GNB1: variants seen among roughly 807,000 people sequenced by gnomAD.
The protein encoded by GNB1 is G protein subunit beta 1.
In GNB1, 2 loss-of-function variants were observed where a neutral mutation model predicts 42.9. The observed-to-expected ratio is 0.05, with a 90% CI of 0.02 to 0.15. The LOEUF (loss-of-function observed/expected upper bound fraction) is 0.15. GNB1 is among the 10% of genes least tolerant of loss of function. The pLI is 1.00. For missense variants in GNB1, 193 were observed against 462.2 expected, an observed-to-expected ratio of 0.42 and a Z score of 5.34; for synonymous variants, 183 against 174.7, an observed-to-expected ratio of 1.05 and a Z score of -0.38.
chr1:1,880,838 C>T (rs563137265), intron 1 of GNB1, among the ~76,000 whole-genome samples: 11 of 152,188 alleles, frequency 7.2e-5, no homozygotes, highest in Non-Finnish European at 1.3e-4. Flanking sequence ...TACTGTGTAC[C>T]GTTTTAGGGG....
chr1:1,847,069 C>T (rs1329521328), intron 1 of GNB1, among the ~76,000 whole-genome samples: 1 of 151,926 alleles, frequency 6.6e-6, no homozygotes, highest in South Asian at 2.1e-4. Flanking sequence ...ACAAAAGTGC[C>T]CTATTCTGGA....
chr1:1,886,553 A>C (rs911122538), intron 1 of GNB1, among the ~76,000 whole-genome samples: 4 of 152,214 alleles, frequency 2.6e-5, no homozygotes, highest in African/African-American at 7.2e-5. Flanking sequence ...CTGCAGTTTC[A>C]TAAATTTCTG....
At chr1:1,809,886 G>A (rs549406779) in intron 5 of GNB1, among the ~76,000 whole-genome samples, 2 of 152,218 alleles carry the variant, frequency 1.3e-5, no homozygotes, top group South Asian at 4.2e-4. Flanking sequence ...AAGCTAACAG[G>A]CTCCAGGACC....
chr1:1,870,716 C>T (rs912885074), intron 1 of GNB1, among the ~76,000 whole-genome samples: 6 of 152,158 alleles, frequency 3.9e-5, no homozygotes, highest in African/African-American at 1.4e-4. Context: ...GAGTGGATTA[C>T]CTGAGGTCAG....
chr1:1,860,905 C>T (rs896395208), intron 1 of GNB1, among the ~76,000 whole-genome samples: 1 of 151,702 alleles, frequency 6.6e-6, no homozygotes, highest in Non-Finnish European at 1.5e-5. Flanking sequence ...GTCAGGAGTT[C>T]GAGACCCGCC....
At position 1,790,173 on chromosome 1, in the gene GNB1, T is replaced by G. The variant is rs1646462946; in HGVS notation, c.699+222A>C. Among the ~76,000 whole-genome samples, 1 of 152,010 alleles carries G rather than the reference T, an allele frequency of 6.6e-6. No homozygotes were observed. The highest frequency in any genetic ancestry group is 6.6e-5 in the Admixed American group (1 of 15,254). On this transcript the variant is annotated intron_variant, in intron 9 of 11. Coordinates refer to ENST00000378609, the MANE Select transcript of GNB1 (RefSeq NM_002074.5). The surrounding 1 kb of genome is among the most constrained non-coding windows in gnomAD (Gnocchi z 5.4). The stretch of plus-strand genomic sequence containing the variant: ...CCCAACCACTGCTCAGCTGTAGAGG[T>G]GGGAACGGGGACTGGCATACAACAC...
intron 1 of GNB1, among the ~76,000 whole-genome samples, chr1:1,874,163 C>T (rs775864625): frequency 1.3e-5 from 2 of 152,126 alleles, no homozygotes; most frequent in South Asian, 4.1e-4. Flanking sequence ...GAAAGACTAG[C>T]AAAGCATAAA....
chr1:1,882,644 A>C (rs1234856802), intron 1 of GNB1, among the ~76,000 whole-genome samples: 1 of 151,848 alleles, frequency 6.6e-6, no homozygotes, highest in Non-Finnish European at 1.5e-5. Context: ...ATAAATGGGC[A>C]GGGCGTGGTG....
At chr1:1,819,254 C>T (rs141680112) in intron 3 of GNB1, among the ~76,000 whole-genome samples, 1,714 of 151,188 alleles carry the variant, frequency 0.011, 13 homozygotes, top group Non-Finnish European at 0.018. Flanking sequence ...GAGTCTCGCT[C>T]TGTCTTGCCC....
In GNB1 at chr1:1,868,446, A is replaced by C. The variant is rs149747421; in HGVS notation, c.-96+22374T>G. On this transcript the variant is annotated intron_variant, in intron 1 of 11. Transcript: ENST00000378609. The stretch of plus-strand genomic sequence containing the variant: ...CAGCCTCCCAAAGCGCTGGGATTAC[A>C]AGCATGAGACACCGTGCCTGGCCAT... Among the ~76,000 whole-genome samples the C allele has an allele frequency of 8.2e-3, 1,251 of 152,252 alleles. 21 individuals are homozygous for C. Among genetic ancestry groups the C allele is most frequent in the African/African-American group, 0.029 (1,214 of 41,558 alleles).
intron 2 of GNB1, among the ~76,000 whole-genome samples, chr1:1,832,690 G>A (rs1351113603): frequency 2.6e-5 from 4 of 152,160 alleles, no homozygotes; most frequent in Non-Finnish European, 5.9e-5. Context: ...TGAGAGTCTA[G>A]GAGGGGCACC....
chr1:1,811,393 T>G (rs1456169768), intron 5 of GNB1, among the ~76,000 whole-genome samples: 2 of 152,130 alleles, frequency 1.3e-5, no homozygotes, highest in Non-Finnish European at 2.9e-5. Context: ...TAGCCTCATG[T>G]AGTTTTGAAA....
At chr1:1,830,694 C>T (rs552752248) in intron 2 of GNB1, among the ~76,000 whole-genome samples, 10 of 152,068 alleles carry the variant, frequency 6.6e-5, no homozygotes, top group Non-Finnish European at 1.3e-4. Context: ...AAGCAGACTC[C>T]ACCCATCACA....
chr1:1,814,797 C>CAAA lies in GNB1; in HGVS notation c.203+956_203+958dup, dbSNP rs66588627. Among the ~76,000 whole-genome samples the CAAA allele has an allele frequency of 1.1e-3, 83 of 77,474 alleles. 1 individual carries two copies. The highest frequency in any genetic ancestry group is 1.6e-3 in the African/African-American group (28 of 17,554). 50.8% of individuals were successfully genotyped at this position (77,474 alleles called of 152,430 possible). A position where few individuals can be genotyped will look rare whatever the true frequency, so the allele number is the denominator to read the frequency against. ...AGCATGACTGAGTGAGACCCTGTCT[C>CAAA]AAAAAAAAAAAAAAAAAAAAAAAGA... On this transcript the variant is annotated intron_variant, in intron 5 of 11. Coordinates refer to ENST00000378609, the MANE Select transcript of GNB1 (RefSeq NM_002074.5).
At chr1:1,828,309 G>GA (rs1328006544) in intron 2 of GNB1, among the ~76,000 whole-genome samples, 1 of 152,116 alleles carries the variant, frequency 6.6e-6, no homozygotes, top group Non-Finnish European at 1.5e-5. Flanking sequence ...CAACAACAGC[G>GA]AAACTCTGTC....
intron 5 of GNB1, among the ~76,000 whole-genome samples, chr1:1,807,463 G>GAAAAAAAAAAA (rs533616486): frequency 7.4e-4 from 19 of 25,586 alleles, no homozygotes; most frequent in South Asian, 1.6e-3. Context: ...GATCCTGACT[G>GAAAAAAAAAAA]AAAAAAAAAA....
intron 1 of GNB1, among the ~76,000 whole-genome samples, chr1:1,862,851 A>G (rs900921013): frequency 2.6e-5 from 4 of 152,204 alleles, no homozygotes; most frequent in Admixed American, 2.6e-4. Flanking sequence ...ACACGTAGGC[A>G]TCACACCTTG....
intron 3 of GNB1, among the ~76,000 whole-genome samples, chr1:1,824,681 T>C (rs1477811451): frequency 1.3e-5 from 2 of 152,098 alleles, no homozygotes; most frequent in Non-Finnish European, 2.9e-5. Context: ...CAAGGGATTC[T>C]CTGACTTTAG....
At chr1:1,829,079 G>GTAA (rs1647040204) in intron 2 of GNB1, among the ~76,000 whole-genome samples, 1 of 151,844 alleles carries the variant, frequency 6.6e-6, no homozygotes, top group Non-Finnish European at 1.5e-5. Context: ...TTTTTGAGAC[G>GTAA]GAGTTTCACT....
Sources: allele counts gnomAD v4.1 joint callset (sites outside exome capture counted in the v4.1 genomes callset), GRCh38; gene constraint gnomAD v4.1.1; non-coding constraint Gnocchi (gnomAD v3.1); transcripts MANE v1.5; gene names NCBI Gene and HGNC (gene_info 2026-07-23, HGNC 2026-07-21).